MYO3B: variants seen among roughly 807,000 people sequenced by gnomAD.
The protein encoded by MYO3B is myosin-IIIb.
MYO3B carries 156 observed loss-of-function variants against 174.6 expected under a neutral mutation model. That is an observed-to-expected ratio of 0.89 (90% CI 0.78 to 1.02). The LOEUF is 1.02. MYO3B is among the 50% of genes least tolerant of loss of function. MYO3B has a pLI of 0.00. For synonymous variants in MYO3B, 563 were observed against 569.1 expected, an observed-to-expected ratio of 0.99 and a Z score of 0.15; for missense variants, 1,632 against 1,639.4, an observed-to-expected ratio of 1.00 and a Z score of 0.08.
At chr2:170,220,553 C>T (rs537728736) in intron 6 of MYO3B, among the ~76,000 whole-genome samples, 28 of 146,126 alleles carry the variant, frequency 1.9e-4, no homozygotes, top group African/African-American at 5.1e-4. Context: ...GGCGTGAACC[C>T]GGGAGGCAGA....
At chr2:170,585,881 G>A (rs963718768) in intron 32 of MYO3B, among the ~76,000 whole-genome samples, 3 of 152,154 alleles carry the variant, frequency 2.0e-5, no homozygotes, top group African/African-American at 7.2e-5. Context: ...GCGAAACCCT[G>A]TCTCTACTAA....
At chr2:170,507,312 G>A (rs1301724951) in intron 28 of MYO3B, among the ~76,000 whole-genome samples, 1 of 152,096 alleles carries the variant, frequency 6.6e-6, no homozygotes, top group Non-Finnish European at 1.5e-5. Context: ...TCAGTCCTAG[G>A]CGAGGGGTCC....
chr2:170,349,295 A>G (rs1292587848), intron 8 of MYO3B, among the ~76,000 whole-genome samples: 1 of 152,048 alleles, frequency 6.6e-6, no homozygotes, highest in Non-Finnish European at 1.5e-5. Flanking sequence ...TAATGGGGAG[A>G]GAGGGAGCAT....
At chr2:170,217,279 A>ACTTT (rs2092840143) in intron 5 of MYO3B, 40 bp from the exon 6 acceptor site, 2 of 1,572,604 alleles carry the variant, frequency 1.3e-6, no homozygotes. Flanking sequence ...CTAGCATCAT[A>ACTTT]CTTTGCTCAC....
intron 23 of MYO3B, among the ~76,000 whole-genome samples, chr2:170,447,669 A>G (rs1221979635): frequency 5.9e-5 from 9 of 152,224 alleles, no homozygotes; most frequent in Admixed American, 5.9e-4. Context: ...CACTGCCTAG[A>G]CAGAGCCAAT....
chr2:170,585,014 C>T (rs989873152), intron 32 of MYO3B, among the ~76,000 whole-genome samples: 13 of 152,316 alleles, frequency 8.5e-5, no homozygotes, highest in African/African-American at 3.1e-4. Context: ...TCAACCTTGG[C>T]TACACATTGA....
At chr2:170,355,255 C>A (rs2094111489) in intron 8 of MYO3B, among the ~76,000 whole-genome samples, 1 of 152,142 alleles carries the variant, frequency 6.6e-6, no homozygotes, top group Admixed American at 6.5e-5. Flanking sequence ...TATTATCTGA[C>A]AAGATTTTTT....
chr2:170,401,804 T>TTTTC, intron 18 of MYO3B, 113 bp downstream of exon 18: 2 of 752,212 alleles, frequency 2.7e-6, no homozygotes, highest in Non-Finnish European at 3.8e-6. Flanking sequence ...TTCTTTTTCT[T>TTTTC]TTTTTTTTTT....
chr2:170,466,850 G>A lies in MYO3B; in HGVS notation c.3014+139G>A, dbSNP rs144282668. On this transcript the variant is annotated intron_variant, in intron 25 of 34. Coordinates refer to ENST00000408978, the MANE Select transcript of MYO3B (RefSeq NM_138995.5). ...GTTGCCAGCTACCATTTACTTGCTTGAATGTTGCATTTTTATTGTGCTTCA... is the reference window on the plus strand; with the variant it reads ...GTTGCCAGCTACCATTTACTTGCTTAAATGTTGCATTTTTATTGTGCTTCA... 227 of 862,350 alleles carry A rather than the reference G, an allele frequency of 2.6e-4. No homozygotes were observed. In the African/African-American group the frequency reaches 3.1e-3, roughly 12 times the overall value. 53.4% of individuals were successfully genotyped at this position (862,350 alleles called of 1,614,324 possible).
chr2:170,460,227 C>T (rs1204169060), intron 23 of MYO3B, among the ~76,000 whole-genome samples: 2 of 152,070 alleles, frequency 1.3e-5, no homozygotes, highest in Non-Finnish European at 1.5e-5. Context: ...TGGTGGCTCA[C>T]GCCTGTAAAC....
At chr2:170,541,541 GT>G (rs1190519852) in intron 30 of MYO3B, among the ~76,000 whole-genome samples, 6 of 152,122 alleles carry the variant, frequency 3.9e-5, no homozygotes, top group Non-Finnish European at 1.5e-5. Flanking sequence ...AGACCAAATG[GT>G]TGTGAAGCTT....
chr2:170,596,365 T>C (rs545251827), intron 32 of MYO3B, among the ~76,000 whole-genome samples: 3 of 152,294 alleles, frequency 2.0e-5, no homozygotes, highest in African/African-American at 7.2e-5. Flanking sequence ...CGTGAGTCCC[T>C]TACCTGGTAG....
chr2:170,246,786 T>C (rs1275905848), intron 7 of MYO3B, among the ~76,000 whole-genome samples: 2 of 152,050 alleles, frequency 1.3e-5, no homozygotes, highest in Non-Finnish European at 2.9e-5. Flanking sequence ...ACAGTGACTA[T>C]CTAGTTTGGA....
chr2:170,595,467 C>CTCA (rs1282866487), intron 32 of MYO3B, among the ~76,000 whole-genome samples: 1 of 152,104 alleles, frequency 6.6e-6, no homozygotes, highest in Non-Finnish European at 1.5e-5. Flanking sequence ...GAGACAGAGT[C>CTCA]TCACTCTGTT....
chr2:170,636,953 T>C (rs2105418385), intron 32 of MYO3B, among the ~76,000 whole-genome samples: 1 of 89,970 alleles, frequency 1.1e-5, no homozygotes, highest in East Asian at 2.6e-4. Context: ...CATTTGCTTT[T>C]GTGCGTGTGT....
At chr2:170,633,953 A>G (rs914629887) in intron 32 of MYO3B, among the ~76,000 whole-genome samples, 1 of 152,210 alleles carries the variant, frequency 6.6e-6, no homozygotes, top group Non-Finnish European at 1.5e-5. Flanking sequence ...ACCACTGATC[A>G]ACGAAATAAA....
intron 32 of MYO3B, among the ~76,000 whole-genome samples, chr2:170,579,627 T>G (rs1693001008): frequency 6.6e-6 from 1 of 152,214 alleles, no homozygotes; most frequent in South Asian, 2.1e-4. Context: ...CTCCTACCAC[T>G]TCCTCCAAGG....
chr2:170,537,965 A>T (rs930049905), intron 30 of MYO3B, among the ~76,000 whole-genome samples: 2 of 152,240 alleles, frequency 1.3e-5, no homozygotes, highest in African/African-American at 4.8e-5. Context: ...GAATAAATGG[A>T]TATCTCAGTT....
chr2:170,238,641 G>A (rs1452059828), intron 7 of MYO3B, among the ~76,000 whole-genome samples: 5 of 152,134 alleles, frequency 3.3e-5, no homozygotes, highest in African/African-American at 1.2e-4. Context: ...AAATTACCCA[G>A]TAAGGGAAGA....
Sources: gnomAD v4.1 joint callset for allele counts (sites outside exome capture counted in the v4.1 genomes callset) on GRCh38, gnomAD v4.1.1 for gene constraint, MANE v1.5 for transcripts, NCBI Gene and HGNC (gene_info 2026-07-23, HGNC 2026-07-21) for gene names.